BMP1: variants seen among roughly 807,000 people sequenced by gnomAD.
BMP1 encodes the protein bone morphogenetic protein 1.
BMP1 carries 63 observed loss-of-function variants against 116.8 expected under a neutral mutation model. The observed-to-expected ratio is 0.54, with a 90% confidence interval of 0.44 to 0.67. The LOEUF is 0.67. Among genes scored for constraint, BMP1 ranks in the 30% least tolerant of loss-of-function variants. The pLI, the probability that BMP1 is intolerant of heterozygous loss-of-function variation, is 0.00. For missense variants in BMP1, 1,183 were observed against 1,358.9 expected, an observed-to-expected ratio of 0.87 and a Z score of 2.04; for synonymous variants, 536 against 533.4, an observed-to-expected ratio of 1.00 and a Z score of -0.07.
At chr8:22,192,385 G>T in intron 9 of BMP1, 1 of 437,410 alleles carries the variant, frequency 2.3e-6, no homozygotes, top group Non-Finnish European at 4.2e-6. Flanking sequence ...CCAGACTTCT[G>T]GGCCTCCCTG....
chr8:22,196,202 G>A (rs1289151333), intron 13 of BMP1: 1 of 523,324 alleles, frequency 1.9e-6, no homozygotes, highest in Non-Finnish European at 3.8e-6. Flanking sequence ...CTACAGGTTG[G>A]GAAACCCCTG....
Position 22,197,440 on chromosome 8 carries a change from C to T in BMP1, c.2107+20C>T. 1.3e-6 allele frequency: 2 copies of T among 1,587,952 alleles called. No individual in the cohort carries two copies. The highest frequency in any genetic ancestry group is 1.7e-6 in the Non-Finnish European group (2 of 1,159,494). On this transcript the variant is annotated intron_variant, in intron 15 of 19. Coordinates refer to ENST00000306385, the MANE Select transcript of BMP1 (RefSeq NM_006129.5). ...TCTCAGGTATCCCTGGACTGCCCAG[C>T]TCCTAGCCCCACCTCTCCTCGGAGA...
chr8:22,172,674 A>G (rs1454981419), intron 1 of BMP1, among the ~76,000 whole-genome samples: 1 of 130,254 alleles, frequency 7.7e-6, no homozygotes, highest in East Asian at 2.2e-4. Context: ...TTGCAGTGGC[A>G]TCATCTCAGC....
chr8:22,178,362 T>G (rs1563246328), intron 6 of BMP1, among the ~76,000 whole-genome samples: 1 of 152,212 alleles, frequency 6.6e-6, no homozygotes, highest in East Asian at 1.9e-4. Flanking sequence ...CAGTCATGGC[T>G]CACTGCAGCC....
rs1431922732 is a variant in BMP1, at chr8:22,173,647, C to A, written c.194C>A (p.Ala65Asp). 2 of 1,613,650 alleles carry A rather than the reference C, an allele frequency of 1.2e-6. No homozygotes were observed. Among genetic ancestry groups the A allele is most frequent in the Non-Finnish European group, 1.7e-6 (2 of 1,179,768 alleles). Residue 65 changes from alanine (A) to aspartate (D), a missense_variant, in exon 2 of 20, where the codon GCC (alanine) becomes GAC (aspartate). Coordinates refer to ENST00000306385, the MANE Select transcript of BMP1 (RefSeq NM_006129.5). Reference protein sequence around the residue: ...DIALDEEDLRAFQVQQAVDLR... With the variant: ...DIALDEEDLRDFQVQQAVDLR... Reference sequence around the variant, plus strand: ...GCCCTGGACGAAGAGGACCTGAGGGCCTTCCAGGTACAGCAGGCTGTGGAT... The same window carrying A: ...GCCCTGGACGAAGAGGACCTGAGGGACTTCCAGGTACAGCAGGCTGTGGAT...
At chr8:22,199,776 G>T (rs937303081) in intron 15 of BMP1, among the ~76,000 whole-genome samples, 6 of 152,146 alleles carry the variant, frequency 3.9e-5, no homozygotes, top group Non-Finnish European at 8.8e-5. Flanking sequence ...TTTCTGCAGG[G>T]CTGATTCAAA....
Position 22,173,701 on chromosome 8 carries a change from C to T in BMP1, c.248C>T (p.Ser83Phe). ...AGACGGCACACAGCTCGTAAGTCCT[C>T]CATCAAAGCTGCAGGTAAGCCGGGT... ...DLRRHTARKS[S>F]IKAAVPGNTS... Residue 83 changes from serine to phenylalanine, a missense_variant, in exon 2 of 20, where the codon TCC becomes TTC. Physicochemically the swap from Ser to Phe is radical, Grantham distance 155. Transcript: ENST00000306385. 6.2e-7 allele frequency: 1 copy of T among 1,611,690 alleles called. No homozygotes were observed. The highest frequency in any genetic ancestry group is 8.5e-7 in the Non-Finnish European group (1 of 1,178,554).
chr8:22,173,787 C>A, intron 2 of BMP1, 72 bp downstream of exon 2: 1 of 1,280,626 alleles, frequency 7.8e-7, no homozygotes, highest in South Asian at 1.4e-5. Context: ...AGGAATCTCC[C>A]TGTTCCCAGC....
At chr8:22,191,119 G>A (rs116195719) in intron 8 of BMP1, among the ~76,000 whole-genome samples, 4,856 of 152,272 alleles carry the variant, frequency 0.032, 278 homozygotes, top group African/African-American at 0.11. Context: ...GCGAGCGAGC[G>A]TTTCCTGAGC....
At chr8:22,186,765 GT>G (rs986866739) in intron 8 of BMP1, among the ~76,000 whole-genome samples, 51 of 151,860 alleles carry the variant, frequency 3.4e-4, no homozygotes, top group African/African-American at 1.2e-3. Flanking sequence ...TGCCTGGCCT[GT>G]TTCCCCAACT....
chr8:22,177,716 G>C (rs1240840802), intron 5 of BMP1, 136 bp from the exon 6 acceptor site: 2 of 779,984 alleles, frequency 2.6e-6, no homozygotes, highest in African/African-American at 1.7e-5. Context: ...CCCCTTGGCT[G>C]CTCCCCGGAC....
At chr8:22,192,011 C>A (rs767687661) in intron 8 of BMP1, 38 bp from the exon 9 acceptor site, 2 of 1,554,560 alleles carry the variant, frequency 1.3e-6, no homozygotes, top group South Asian at 1.1e-5. Context: ...GTGCAATGTT[C>A]GGGACAGCTT....
At chr8:22,210,468 T>TCTCTCTCTCTCTCTCTCACA (rs10664439) in intron 19 of BMP1, among the ~76,000 whole-genome samples, 8 of 135,500 alleles carry the variant, frequency 5.9e-5, no homozygotes, top group African/African-American at 2.1e-4. Context: ...TCTCTCTCTC[T>TCTCTCTCTCTCTCTCTCACA]CACACACATA....
At position 22,197,286 on chromosome 8, in the gene BMP1, A is replaced by G; in HGVS notation, c.1973A>G (p.Asp658Gly). The change falls in exon 15 of 20, where the codon GAC (aspartate) becomes GGC (glycine). Residue 658 changes from aspartate (D) to glycine (G), a missense_variant. Coordinates refer to ENST00000306385, the MANE Select transcript of BMP1 (RefSeq NM_006129.5). Reference sequence around the variant, plus strand: ...GAGGTGCGCAGTGGACTCACAGCTGACTCCAAGCTGCATGGCAAGTTCTGT... The same window carrying G: ...GAGGTGCGCAGTGGACTCACAGCTGGCTCCAAGCTGCATGGCAAGTTCTGT... ...FVEVRSGLTADSKLHGKFCGS... is the reference protein window; with the variant it reads ...FVEVRSGLTAGSKLHGKFCGS... The G allele has an allele frequency of 6.2e-7, 1 of 1,613,688 alleles. No homozygotes were observed. The highest frequency in any genetic ancestry group is 8.5e-7 in the Non-Finnish European group (1 of 1,179,748).
In BMP1 at chr8:22,206,768, G is replaced by A. The variant is rs986868937; in HGVS notation, c.2234-86G>A. 10 of 1,563,376 alleles carry A rather than the reference G, an allele frequency of 6.4e-6. 1 individual carries two copies. The highest frequency in any genetic ancestry group is 1.1e-5 in the South Asian group (1 of 87,160). On this transcript the variant is annotated intron_variant, in intron 16 of 19. Transcript: ENST00000306385. ...GGACAAGAGATGGAAGAAAGGAGGG[G>A]GGGCAGGAGGGAAGGGCCTTCCCCA...
rs1239293665 is a variant in BMP1 at position 22,194,747 on chromosome 8, C to T, written c.1467C>T (p.Ala489=). The T allele has an allele frequency of 6.2e-7, 1 of 1,610,998 alleles. No homozygotes were observed. Among genetic ancestry groups the T allele is most frequent in the Admixed American group, 1.7e-5 (1 of 59,462 alleles). ...AGATTGAGCGCCACGACAGCTGTGC[C>T]TACGACTATCTGGAGGTGCGCGACG... is the stretch of plus-strand genomic sequence containing the variant. The part of the protein sequence containing the change: ...SFEIERHDSC[A]YDYLEVRDGH... Residue 489 remains alanine (A), a synonymous_variant, in exon 12 of 20, where the codon GCC becomes GCT. Transcript: ENST00000306385. The surrounding 1 kb of genome is among the most constrained non-coding windows in gnomAD (Gnocchi z 4.5).
Position 22,207,357 on chromosome 8 carries a change from G to A in BMP1, c.2416G>A (p.Glu806Lys). ...GCCTGAGTGTGCCTACGACCACCTAGAGGTGTTCGACGGGCGAGACGCCAA... is the reference window on the plus strand; with the variant it reads ...GCCTGAGTGTGCCTACGACCACCTAAAGGTGTTCGACGGGCGAGACGCCAA... ...SQPECAYDHL[E>K]VFDGRDAKAP... The change falls in exon 18 of 20, where the codon GAG becomes AAG. Residue 806 changes from glutamate to lysine, a missense_variant. Around this residue, in one of 4 missense-constraint regions of BMP1, gnomAD observed 956 missense variants for 1,135.2 expected, o/e 0.84. Coordinates refer to ENST00000306385, the MANE Select transcript of BMP1 (RefSeq NM_006129.5). The A allele has an allele frequency of 6.2e-7, 1 of 1,614,208 alleles. No homozygotes were observed. The highest frequency in any genetic ancestry group is 8.5e-7 in the Non-Finnish European group (1 of 1,180,036).
chr8:22,188,765 G>A (rs1186624107), intron 8 of BMP1, among the ~76,000 whole-genome samples: 2 of 152,300 alleles, frequency 1.3e-5, no homozygotes, highest in Admixed American at 6.5e-5. Flanking sequence ...GGAGCTCTCG[G>A]GTGGGCCCTC....
chr8:22,194,952 G>C lies in BMP1; in HGVS notation c.1639+33G>C, dbSNP rs1217545796. 4 of 1,569,210 alleles carry C rather than the reference G, an allele frequency of 2.5e-6. No homozygotes were observed. Among genetic ancestry groups the C allele is most frequent in the Admixed American group, 1.8e-5 (1 of 54,352 alleles). ...CTCTGTTACTCTCCCCTGCCCCAAG[G>C]TGCCTCGTGACCTTCATCCCTTCTT... On this transcript the variant is annotated intron_variant, in intron 12 of 19. Transcript: ENST00000306385. The surrounding 1 kb of genome is among the most constrained non-coding windows in gnomAD (Gnocchi z 4.5).
Sources: gnomAD v4.1 joint callset for allele counts (sites outside exome capture counted in the v4.1 genomes callset) on GRCh38, gnomAD v4.1.1 for gene constraint, gnomAD v4.1.1 regional missense constraint, Gnocchi (gnomAD v3.1) non-coding constraint, MANE v1.5 for transcripts, NCBI Gene and HGNC (gene_info 2026-07-23, HGNC 2026-07-21) for gene names.